The following AUTS2 variants were observed in gnomAD, a reference collection of about 807,000 sequenced individuals.
AUTS2 encodes activator of transcription and developmental regulator AUTS2.
Under a neutral mutation model 112.4 loss-of-function variants are expected in AUTS2, and 17 were observed. The ratio of observed to expected loss-of-function variants is 0.15; its 90% CI spans 0.10 to 0.23. The LOEUF (loss-of-function observed/expected upper bound fraction) is 0.23. Among genes scored for constraint, AUTS2 ranks in the 10% least tolerant of loss-of-function variants. AUTS2 has a pLI of 1.00. For synonymous variants in AUTS2, 751 were observed against 702.7 expected (o/e 1.07, Z -1.09); for missense variants, 1,510 against 1,701.6 (o/e 0.89, Z 1.98).
At chr7:70,123,901 T>G (rs187434812) in intron 3 of AUTS2, among the ~76,000 whole-genome samples, 2 of 152,196 alleles carry the variant, frequency 1.3e-5, no homozygotes. Context: ...GTAGTTATGC[T>G]TTTAGCTTTT....
intron 5 of AUTS2, among the ~76,000 whole-genome samples, chr7:70,648,730 C>G (rs62456783): frequency 6.6e-6 from 1 of 152,096 alleles, no homozygotes; most frequent in Admixed American, 6.5e-5. Flanking sequence ...TGCAGGCATG[C>G]ACTACCACGC....
At chr7:69,612,275 T>G (rs1793083309) in intron 1 of AUTS2, among the ~76,000 whole-genome samples, 1 of 152,154 alleles carries the variant, frequency 6.6e-6, no homozygotes, top group African/African-American at 2.4e-5. Flanking sequence ...GAAGGAGTTT[T>G]TTGAAGTGTT....
intron 5 of AUTS2, among the ~76,000 whole-genome samples, chr7:70,614,769 A>G (rs1362798124): frequency 4.6e-5 from 7 of 152,164 alleles, no homozygotes; most frequent in Non-Finnish European, 1.0e-4. Context: ...GTCACTGGTA[A>G]TCTGTGCTTA....
Position 70,425,846 on chromosome 7 carries a change from AGATG to A in AUTS2, c.661-9892_661-9889del, listed in dbSNP as rs773429921. Among the ~76,000 whole-genome samples the A allele has an allele frequency of 2.3e-3, 344 of 152,360 alleles. 1 individual carries two copies. Among genetic ancestry groups the A allele is most frequent in the Non-Finnish European group, 3.5e-3 (239 of 68,026 alleles). ...ATATTCAGTCTTACTGAAGATGAAT[AGATG>A]GATGGATGGATGGTTTCTAACATCT... On this transcript the variant is annotated intron_variant, in intron 4 of 18. Transcript: ENST00000342771.
intron 2 of AUTS2, among the ~76,000 whole-genome samples, chr7:70,089,911 G>A (rs1386671356): frequency 2.6e-5 from 4 of 152,042 alleles, no homozygotes; most frequent in African/African-American, 9.7e-5. Context: ...GGAGGCTGAG[G>A]CAGGTGAATT....
intron 5 of AUTS2, among the ~76,000 whole-genome samples, chr7:70,620,683 G>T (rs1804626668): frequency 6.6e-6 from 1 of 152,014 alleles, no homozygotes; most frequent in African/African-American, 2.4e-5. Flanking sequence ...TTTCATTTAG[G>T]CCCGAGGCAG....
At chr7:69,954,884 A>G (rs1797157435) in intron 2 of AUTS2, among the ~76,000 whole-genome samples, 1 of 152,176 alleles carries the variant, frequency 6.6e-6, no homozygotes, top group Non-Finnish European at 1.5e-5. Context: ...GGATTATTAG[A>G]GCTAATCTAG....
At chr7:70,489,850 A>G (rs1215304890) in intron 5 of AUTS2, among the ~76,000 whole-genome samples, 2 of 152,222 alleles carry the variant, frequency 1.3e-5, no homozygotes, top group Non-Finnish European at 2.9e-5. Context: ...GAAATCAACA[A>G]CAATGAGATA....
rs1421527595 is a variant in AUTS2, at chr7:70,694,724, G to A, written c.691-3845G>A. 2 of 148,046 alleles carry A rather than the reference G, an allele frequency of 1.4e-5. No homozygotes were observed. The highest frequency in any genetic ancestry group is 4.2e-4 in the South Asian group (2 of 4,816). 9.2% of individuals were successfully genotyped at this position (148,046 alleles called of 1,614,324 possible). A position where few individuals can be genotyped will look rare whatever the true frequency, so the allele number is the denominator to read the frequency against. On this transcript the variant is annotated intron_variant, in intron 5 of 18. Coordinates refer to ENST00000342771, the MANE Select transcript of AUTS2 (RefSeq NM_015570.4). This position sits in a 1 kb window ranked among gnomAD's most constrained non-coding sequence, Gnocchi z 4.1. ...GCGGCGGGGAGACAGTGGCGAGCGC[G>A]GGCCGGGCGATCTCGGCGGGCGCGC...
intron 6 of AUTS2, among the ~76,000 whole-genome samples, chr7:70,702,499 T>C (rs560922013): frequency 4.6e-5 from 7 of 152,326 alleles, no homozygotes; most frequent in African/African-American, 7.2e-5. Flanking sequence ...CCTTCAACTT[T>C]GTCTCAAATT....
intron 2 of AUTS2, among the ~76,000 whole-genome samples, chr7:70,039,506 G>T (rs1170585867): frequency 6.6e-6 from 1 of 152,006 alleles, no homozygotes; most frequent in African/African-American, 2.4e-5. Context: ...GGGATTACAG[G>T]CGCCTGACTA....
At chr7:70,244,988 C>T (rs182182968) in intron 4 of AUTS2, among the ~76,000 whole-genome samples, 6 of 151,208 alleles carry the variant, frequency 4.0e-5, no homozygotes, top group Admixed American at 1.3e-4. Context: ...GGTGTGGTGG[C>T]GCATGCCTGT....
At chr7:69,656,867 C>T (rs1295704765) in intron 1 of AUTS2, among the ~76,000 whole-genome samples, 3 of 152,144 alleles carry the variant, frequency 2.0e-5, no homozygotes, top group Non-Finnish European at 4.4e-5. Context: ...TGCTGATTCT[C>T]CTTTCATGTG....
At chr7:70,003,685 T>C (rs1274113236) in intron 2 of AUTS2, among the ~76,000 whole-genome samples, 40 of 126,382 alleles carry the variant, frequency 3.2e-4, no homozygotes, top group Admixed American at 2.7e-4. Context: ...GAATGTGTTA[T>C]ATATGAATAT....
At chr7:70,354,012 A>G (rs1791880951) in intron 4 of AUTS2, among the ~76,000 whole-genome samples, 1 of 152,214 alleles carries the variant, frequency 6.6e-6, no homozygotes, top group South Asian at 2.1e-4. Context: ...AATCAAAATG[A>G]TCTGTGCAAT....
chr7:69,966,514 T>A (rs1797641728), intron 2 of AUTS2, among the ~76,000 whole-genome samples: 1 of 152,164 alleles, frequency 6.6e-6, no homozygotes, highest in Non-Finnish European at 1.5e-5. Flanking sequence ...TCTTTACAGG[T>A]GGGGAATAGT....
intron 5 of AUTS2, among the ~76,000 whole-genome samples, chr7:70,659,059 C>T (rs371044146): frequency 9.8e-5 from 15 of 152,292 alleles, no homozygotes; most frequent in East Asian, 1.9e-4. Context: ...CACTCCCTGG[C>T]GGGCCACGGG....
In AUTS2 at chr7:70,790,914, C is replaced by T; in HGVS notation, c.3698C>T (p.Ser1233Phe). 2 of 1,576,712 alleles carry T rather than the reference C, an allele frequency of 1.3e-6. No homozygotes were observed. The highest frequency in any genetic ancestry group is 1.7e-6 in the Non-Finnish European group (2 of 1,162,326). ...LISTLGGRPV[S>F]PRRTTPLSAE... is the part of the protein sequence containing the mutation. ...TCCACGCTGGGGGGCCGCCCGGTCTCTCCCAGAAGGACGACTCCTCTGTCC... is the reference window on the plus strand; with the variant it reads ...TCCACGCTGGGGGGCCGCCCGGTCTTTCCCAGAAGGACGACTCCTCTGTCC... Residue 1233 changes from serine (S) to phenylalanine (F), a missense_variant, in exon 19 of 19, where the codon TCT (serine) becomes TTT (phenylalanine). By Grantham distance (155) the Ser-to-Phe change is radical. Around this residue, in one of 3 missense-constraint regions of AUTS2, gnomAD observed 788 missense variants for 797.6 expected, o/e 0.99. Transcript: ENST00000342771. The surrounding 1 kb of genome is among the most constrained non-coding windows in gnomAD (Gnocchi z 7.6).
At chr7:69,609,992 G>A (rs905245358) in intron 1 of AUTS2, among the ~76,000 whole-genome samples, 1 of 152,190 alleles carries the variant, frequency 6.6e-6, no homozygotes, top group Non-Finnish European at 1.5e-5. Context: ...TTGCTGTAGG[G>A]GGCAGTCAGC....
Sources: allele counts gnomAD v4.1 joint callset (sites outside exome capture counted in the v4.1 genomes callset), GRCh38; gene constraint gnomAD v4.1.1; regional missense constraint gnomAD v4.1.1; non-coding constraint Gnocchi (gnomAD v3.1); transcripts MANE v1.5; gene names NCBI Gene and HGNC (gene_info 2026-07-23, HGNC 2026-07-21).